Variants in PDE1C observed in about 807,000 individuals in gnomAD.
PDE1C encodes phosphodiesterase 1C.
Under a neutral mutation model 93.1 loss-of-function variants are expected in PDE1C, and 62 were observed. The ratio of observed to expected loss-of-function variants is 0.67; its 90% CI spans 0.54 to 0.82. The LOEUF is 0.82. Among genes scored for constraint, PDE1C ranks in the 40% least tolerant of loss-of-function variants. The pLI is 0.00. For synonymous variants in PDE1C, 325 were observed against 310.1 expected (o/e 1.05, Z -0.50); for missense variants, 742 against 884.6 (o/e 0.84, Z 2.04).
chr7:32,181,639 C>T (rs1440665009), intron 2 of PDE1C, among the ~76,000 whole-genome samples: 1 of 151,894 alleles, frequency 6.6e-6, no homozygotes, highest in African/African-American at 2.4e-5. Context: ...CTCTGGGACA[C>T]ATTCAAAGCA....
intron 3 of PDE1C, among the ~76,000 whole-genome samples, chr7:32,168,267 C>A (rs927377081): frequency 6.6e-6 from 1 of 152,178 alleles, no homozygotes; most frequent in East Asian, 1.9e-4. Context: ...CAAGACACTG[C>A]TACACGTTAC....
At chr7:32,361,066 T>C (rs1344115681) in intron 1 of PDE1C, among the ~76,000 whole-genome samples, 2 of 152,196 alleles carry the variant, frequency 1.3e-5, no homozygotes, top group South Asian at 2.1e-4. Flanking sequence ...AAGGGACTTA[T>C]TTAACACACA....
intron 1 of PDE1C, among the ~76,000 whole-genome samples, chr7:32,354,366 C>T (rs1369591205): frequency 1.3e-5 from 2 of 152,076 alleles, no homozygotes; most frequent in African/African-American, 4.8e-5. Flanking sequence ...GTAGCTCATG[C>T]CTGTAATCTT....
At chr7:31,927,113 G>C (rs1803496570) in intron 2 of PDE1C, among the ~76,000 whole-genome samples, 1 of 152,178 alleles carries the variant, frequency 6.6e-6, no homozygotes, top group African/African-American at 2.4e-5. Flanking sequence ...TGGGACGATT[G>C]AGCTTGGTGT....
At chr7:31,661,586 G>A in the PDE1C span, among the ~76,000 whole-genome samples, 1 of 152,032 alleles carries the variant, frequency 6.6e-6, no homozygotes, top group East Asian at 1.9e-4. Flanking sequence ...GGTGGCACGT[G>A]CCTATAATCC....
chr7:31,808,896 T>C (rs1187383425), intron 16 of PDE1C, 135 bp downstream of exon 16: 2 of 565,962 alleles, frequency 3.5e-6, no homozygotes, highest in South Asian at 4.9e-5. Flanking sequence ...TAGTACCCTT[T>C]AAATATAGTG....
intron 2 of PDE1C, among the ~76,000 whole-genome samples, chr7:31,934,319 A>C (rs1804727550): frequency 1.3e-5 from 2 of 152,192 alleles, no homozygotes; most frequent in South Asian, 4.1e-4. Flanking sequence ...TGCCCACTAG[A>C]ATTCAAACTT....
At chr7:31,802,116 T>G (rs1279646944) in intron 16 of PDE1C, among the ~76,000 whole-genome samples, 2 of 151,576 alleles carry the variant, frequency 1.3e-5, no homozygotes, top group African/African-American at 4.8e-5. Context: ...CTATTTGTTT[T>G]CTATTTGTCT....
At chr7:32,204,572 C>A (rs142513027) in intron 2 of PDE1C, among the ~76,000 whole-genome samples, 1,721 of 152,336 alleles carry the variant, frequency 0.011, 20 homozygotes, top group Non-Finnish European at 0.018. Context: ...AGGGATGCCA[C>A]CAAAATCTGG....
At chr7:32,332,529 C>T (rs1318261899) in intron 1 of PDE1C, among the ~76,000 whole-genome samples, 2 of 152,008 alleles carry the variant, frequency 1.3e-5, no homozygotes, top group African/African-American at 4.8e-5. Flanking sequence ...CCATTCCACT[C>T]CTAGGTGTTT....
chr7:31,728,489 A>T, the PDE1C span, among the ~76,000 whole-genome samples: 1 of 152,216 alleles, frequency 6.6e-6, no homozygotes, highest in African/African-American at 2.4e-5. Flanking sequence ...GTTTTTGCCT[A>T]TGCTGTTTTG....
rs984960805 is a variant in PDE1C at position 32,239,108 on chromosome 7, C to T, written c.86-29569G>A. ...GTAGCAAAACCCTATCTTCACAAAA[C>T]ATTTTAAAAACATAAGGCTGAGGTG... On this transcript the variant is annotated intron_variant, in intron 1 of 18. Coordinates refer to the PDE1C transcript ENST00000396193. 7.9e-5 allele frequency among the ~76,000 whole-genome samples: 12 copies of T among 152,116 alleles called. No homozygotes were observed. In the East Asian group the frequency reaches 1.9e-3, roughly 24 times the overall value.
Position 31,837,277 on chromosome 7 carries a change from G to C in PDE1C, c.1106C>G (p.Ser369Cys), listed in dbSNP as rs1791235075. ...PEAIEKPKAL[S>C]LMLHTADISH... is the part of the protein sequence containing the mutation. ...AATATCTGCTGTATGCAGCATAAGG[G>C]ATAAGGCTTTTGGCTTTTCAATGCT... The change falls in exon 11 of 18, where the codon TCC becomes TGC. Residue 369 changes from serine to cysteine, a missense_variant. Coordinates refer to ENST00000396191, the MANE Select transcript of PDE1C (RefSeq NM_001191057.4). The C allele has an allele frequency of 1.2e-6, 2 of 1,612,666 alleles. No individual in the cohort carries two copies. The highest frequency in any genetic ancestry group is 1.7e-6 in the Non-Finnish European group (2 of 1,179,198).
chr7:32,105,146 A>G (rs1798233124), intron 3 of PDE1C, among the ~76,000 whole-genome samples: 1 of 152,194 alleles, frequency 6.6e-6, no homozygotes, highest in Admixed American at 6.5e-5. Flanking sequence ...CAAAAGGCAC[A>G]TTTCTAGCTA....
chr7:31,883,685 A>T (rs1035245949), intron 2 of PDE1C, among the ~76,000 whole-genome samples: 4 of 152,342 alleles, frequency 2.6e-5, no homozygotes, highest in African/African-American at 9.6e-5. Flanking sequence ...AAGGGGCCTC[A>T]TATCACCTTG....
At chr7:31,822,265 T>G (rs1789064780) in intron 14 of PDE1C, among the ~76,000 whole-genome samples, 1 of 152,006 alleles carries the variant, frequency 6.6e-6, no homozygotes. Flanking sequence ...GTCCCCTCAC[T>G]GGGCTCCCAG....
intron 3 of PDE1C, among the ~76,000 whole-genome samples, chr7:32,099,525 T>A (rs1797939024): frequency 6.6e-6 from 1 of 152,254 alleles, no homozygotes; most frequent in Non-Finnish European, 1.5e-5. Context: ...ATCTTTTTCA[T>A]GTTCTGTACA....
chr7:32,115,228 C>A (rs1798920818), intron 3 of PDE1C, among the ~76,000 whole-genome samples: 1 of 152,190 alleles, frequency 6.6e-6, no homozygotes, highest in Admixed American at 6.5e-5. Context: ...TGCCCATCAT[C>A]AGTGATGGAC....
In PDE1C at chr7:32,285,182, C is replaced by T. The variant is rs138617177; in HGVS notation, c.85+13469G>A. The stretch of plus-strand genomic sequence containing the variant: ...TATGCAGCCAGCCCTGTTGCTGCAG[C>T]GTTTGAGAACCACTGACGTGGCTGA... On this transcript the variant is annotated intron_variant, in intron 1 of 18. Transcript: ENST00000396193. Among the ~76,000 whole-genome samples the T allele has an allele frequency of 6.2e-3, 945 of 152,298 alleles. 6 individuals are homozygous for T. The highest frequency in any genetic ancestry group is 0.022 in the African/African-American group (905 of 41,580).
Sources: allele counts gnomAD v4.1 joint callset (sites outside exome capture counted in the v4.1 genomes callset), GRCh38; gene constraint gnomAD v4.1.1; transcripts MANE v1.5; gene names NCBI Gene and HGNC (gene_info 2026-07-23, HGNC 2026-07-21).